Variants in BORA observed in about 807,000 individuals in gnomAD.
BORA encodes protein aurora borealis.
Under a neutral mutation model 55.8 loss-of-function variants are expected in BORA, and 26 were observed. The observed-to-expected ratio is 0.47, with a 90% CI of 0.34 to 0.65. The LOEUF is 0.65. Among genes scored for constraint, BORA ranks in the 30% least tolerant of loss-of-function variants. The pLI is 0.01. For missense variants in BORA, 568 were observed against 671.5 expected, an observed-to-expected ratio of 0.85 and a Z score of 1.70; for synonymous variants, 201 against 216.9, an observed-to-expected ratio of 0.93 and a Z score of 0.64.
At chr13:72,732,785 G>C (rs983433255) in intron 3 of BORA, among the ~76,000 whole-genome samples, 2 of 152,064 alleles carry the variant, frequency 1.3e-5, no homozygotes, top group South Asian at 2.1e-4. Context: ...TGTTTCACAC[G>C]AACTTAATTA....
At chr13:72,735,637 T>C (rs1180769132) in intron 4 of BORA, among the ~76,000 whole-genome samples, 4 of 152,144 alleles carry the variant, frequency 2.6e-5, no homozygotes, top group Non-Finnish European at 5.9e-5. Flanking sequence ...GAGACGGCGT[T>C]TCGTTCTTGT....
intron 3 of BORA, among the ~76,000 whole-genome samples, chr13:72,733,904 A>G (rs1466734020): frequency 6.6e-6 from 1 of 152,234 alleles, no homozygotes; most frequent in Non-Finnish European, 1.5e-5. Context: ...CGTCCTTTGC[A>G]TGGACATGGA....
chr13:72,754,008 T>C (rs1236096962), intron 11 of BORA, 187 bp downstream of exon 11: 1 of 569,446 alleles, frequency 1.8e-6, no homozygotes, highest in African/African-American at 1.9e-5. Context: ...GTATCTTACA[T>C]ACTACAAAGT....
intron 5 of BORA, among the ~76,000 whole-genome samples, chr13:72,740,321 C>T (rs1357342085): frequency 6.6e-6 from 1 of 152,146 alleles, no homozygotes; most frequent in Non-Finnish European, 1.5e-5. Flanking sequence ...TCTCTGCCCC[C>T]AGAAGCCTCA....
chr13:72,753,918 A>T, intron 11 of BORA, 97 bp downstream of exon 11: 2 of 1,239,464 alleles, frequency 1.6e-6, no homozygotes, highest in Non-Finnish European at 2.2e-6. Flanking sequence ...AAACTATATG[A>T]AATTTAAAAC....
intron 4 of BORA, among the ~76,000 whole-genome samples, chr13:72,736,563 A>T (rs1026127067): frequency 6.6e-6 from 1 of 152,162 alleles, no homozygotes; most frequent in Non-Finnish European, 1.5e-5. Flanking sequence ...AGATTTTTAC[A>T]TTCTCTTAGC....
intron 5 of BORA, among the ~76,000 whole-genome samples, chr13:72,740,536 A>G (rs557243398): frequency 6.6e-6 from 1 of 152,276 alleles, no homozygotes; most frequent in African/African-American, 2.4e-5. Flanking sequence ...AGTAGTATAG[A>G]TAGAGAACAT....
At chr13:72,742,894 A>C (rs1246168285) in intron 5 of BORA, among the ~76,000 whole-genome samples, 1 of 152,166 alleles carries the variant, frequency 6.6e-6, no homozygotes, top group Non-Finnish European at 1.5e-5. Flanking sequence ...ACATTATGCT[A>C]AGTGAAAAAA....
Position 72,746,996 on chromosome 13 carries a change from G to A in BORA, c.1367G>A (p.Ser456Asn). 2 of 1,614,094 alleles carry A rather than the reference G, an allele frequency of 1.2e-6. No homozygotes were observed. Among genetic ancestry groups the A allele is most frequent in the Middle Eastern group, 3.3e-4 (2 of 6,056 alleles). ...TWIKEPVDNG[S>N]LPMTDFVSGI... Reference sequence around the variant, plus strand: ...ATTAAGGAGCCGGTTGATAATGGCAGTTTACCCATGACTGATTTTGTAAGT... The same window carrying A: ...ATTAAGGAGCCGGTTGATAATGGCAATTTACCCATGACTGATTTTGTAAGT... Residue 456 changes from serine (S) to asparagine (N), a missense_variant, in exon 10 of 12, where the codon AGT (serine) becomes AAT (asparagine). Ser to Asn is a conservative substitution (Grantham distance 46). Transcript: ENST00000390667.
intron 4 of BORA, among the ~76,000 whole-genome samples, chr13:72,735,798 G>A (rs905487896): frequency 2.6e-5 from 4 of 151,858 alleles, no homozygotes; most frequent in African/African-American, 7.3e-5. Context: ...TAGTAGAGAC[G>A]GGATTTCTCC....
chr13:72,745,980 A>G lies in BORA; in HGVS notation c.775A>G (p.Lys259Glu), dbSNP rs777110766. Residue 259 changes from lysine (K) to glutamate (E), a missense_variant, in exon 9 of 12, where the codon AAA (lysine) becomes GAA (glutamate). Physicochemically the swap from Lys to Glu is moderately conservative, Grantham distance 56. Coordinates refer to ENST00000390667, the MANE Select transcript of BORA (RefSeq NM_024808.5). Reference sequence around the variant, plus strand: ...TTCTAGCCCTATTCAGGCTAGTGCAAAAAAATACAGCTTGGGAAGCATAAC... The same window carrying G: ...TTCTAGCCCTATTCAGGCTAGTGCAGAAAAATACAGCTTGGGAAGCATAAC... ...FSSSPIQASA[K>E]KYSLGSITSP... The G allele has an allele frequency of 2.4e-5, 39 of 1,613,202 alleles. 1 individual carries two copies. In the South Asian group the frequency reaches 4.2e-4, roughly 17 times the overall value.
At chr13:72,754,097 CTCA>C (rs759115629) in intron 11 of BORA, 19 of 267,452 alleles carry the variant, frequency 7.1e-5, no homozygotes, top group Non-Finnish European at 1.1e-4. Context: ...CTTGAAGAAA[CTCA>C]TCATAATTTC....
intron 2 of BORA, among the ~76,000 whole-genome samples, chr13:72,730,309 GA>G (rs1327918585): frequency 1.3e-5 from 2 of 152,084 alleles, no homozygotes; most frequent in Non-Finnish European, 2.9e-5. Flanking sequence ...ATTTTTAATT[GA>G]ATCATTAAAA....
At position 72,731,375 on chromosome 13, in the gene BORA, TAA is replaced by T; in HGVS notation, c.249_250del (p.His85PhefsTer5). The T allele has an allele frequency of 1.2e-6, 2 of 1,605,954 alleles. No individual in the cohort carries two copies. Among genetic ancestry groups the T allele is most frequent in the Non-Finnish European group, 1.7e-6 (2 of 1,173,792 alleles). On this transcript the variant is annotated frameshift_variant, in exon 3 of 12. Coordinates refer to ENST00000390667, the MANE Select transcript of BORA (RefSeq NM_024808.5). LOFTEE classifies it high-confidence loss of function. Reference sequence around the variant, plus strand: ...GATATTCATCGTCAAGCTTTATACTTAAGTCATTCTCGGTAAGTTTTCCTTTC... The same window carrying T: ...GATATTCATCGTCAAGCTTTATACTTGTCATTCTCGGTAAGTTTTCCTTTC...
At position 72,745,324 on chromosome 13, in the gene BORA, A is replaced by G. The variant is rs559498527; in HGVS notation, c.738+117A>G. The G allele has an allele frequency of 1.9e-4, 155 of 821,514 alleles. 1 individual carries two copies. The highest frequency in any genetic ancestry group is 2.7e-4 in the Non-Finnish European group (142 of 527,610). 50.9% of individuals were successfully genotyped at this position (821,514 alleles called of 1,614,324 possible). A position where few individuals can be genotyped will look rare whatever the true frequency, so the allele number is the denominator to read the frequency against. Reference sequence around the variant, plus strand: ...GAAGCCATGGTTGCTTTCTGTCTCTAGTAAATAAGTGGAAAAGAGGGATGA... The same window carrying G: ...GAAGCCATGGTTGCTTTCTGTCTCTGGTAAATAAGTGGAAAAGAGGGATGA... On this transcript the variant is annotated intron_variant, in intron 8 of 11. Transcript: ENST00000390667.
chr13:72,731,067 TAAAC>T (rs987925936), intron 2 of BORA, among the ~76,000 whole-genome samples: 2 of 152,016 alleles, frequency 1.3e-5, no homozygotes, highest in African/African-American at 2.4e-5. Context: ...GACTCTGTCT[TAAAC>T]AAAGAGAGAG....
chr13:72,731,179 AT>A lies in BORA; in HGVS notation c.154-98del, dbSNP rs1055965313. 17 of 695,530 alleles carry A rather than the reference AT, an allele frequency of 2.4e-5. No homozygotes were observed. The African/African-American group carries it at 3.0e-4, about 12-fold the overall frequency. The allele number at this position is 695,530 out of a possible 1,614,324, so 43.1% of individuals were successfully genotyped here. ...AATTTTAAAATACAAGCTTTAAAAT[AT>A]TTTCATATTATAACCATTCATATTA... On this transcript the variant is annotated intron_variant, in intron 2 of 11. Coordinates refer to ENST00000390667, the MANE Select transcript of BORA (RefSeq NM_024808.5).
chr13:72,747,796 G>A (rs2033182241), intron 10 of BORA, among the ~76,000 whole-genome samples: 1 of 152,124 alleles, frequency 6.6e-6, no homozygotes, highest in African/African-American at 2.4e-5. Context: ...GCCTCCCAAA[G>A]TGCTGGGATT....
In BORA at chr13:72,745,222, A is replaced by G. The variant is rs2033117098; in HGVS notation, c.738+15A>G. 1 of 1,599,694 alleles carries G rather than the reference A, an allele frequency of 6.3e-7. No individual in the cohort carries two copies. Among genetic ancestry groups the G allele is most frequent in the African/African-American group, 1.3e-5 (1 of 74,516 alleles). On this transcript the variant is annotated intron_variant, in intron 8 of 11. Transcript: ENST00000390667. The stretch of plus-strand genomic sequence containing the variant: ...CACCAAGTTCGGTGAGAAGTATACT[A>G]AAAAGCAGTTGGCTAATATGCTGTC...
Sources: gnomAD v4.1 joint callset for allele counts (sites outside exome capture counted in the v4.1 genomes callset) on GRCh38, gnomAD v4.1.1 for gene constraint, MANE v1.5 for transcripts, NCBI Gene and HGNC (gene_info 2026-07-23, HGNC 2026-07-21) for gene names.